The following PCBP3 variants were observed in gnomAD, a reference collection of about 807,000 sequenced individuals.
PCBP3 encodes poly(rC)-binding protein 3.
In PCBP3, 25 loss-of-function variants were observed where a neutral mutation model predicts 52.7. The ratio of observed to expected loss-of-function variants is 0.47; its 90% CI spans 0.35 to 0.66. The LOEUF (loss-of-function observed/expected upper bound fraction) is 0.66. Among genes scored for constraint, PCBP3 ranks in the 30% least tolerant of loss-of-function variants. The pLI is 0.01. For missense variants in PCBP3, 391 were observed against 490.3 expected (o/e 0.80, Z 1.91); for synonymous variants, 162 against 183.0 (o/e 0.89, Z 0.93).
At chr21:45,710,106 G>T (rs2083730067) in intron 2 of PCBP3, among the ~76,000 whole-genome samples, 1 of 152,168 alleles carries the variant, frequency 6.6e-6, no homozygotes, top group Non-Finnish European at 1.5e-5. Context: ...CCTGGCTGAG[G>T]TGTGTTTGTC....
At chr21:45,730,848 C>CT (rs567703488) in intron 2 of PCBP3, among the ~76,000 whole-genome samples, 12 of 151,922 alleles carry the variant, frequency 7.9e-5, no homozygotes, top group African/African-American at 2.4e-4. Context: ...GTCACTCCAC[C>CT]TTTTTTTTAT....
At chr21:45,939,969 C>T (rs976953119) in intron 16 of PCBP3, 61 bp from the exon 17 acceptor site, 160 of 1,515,340 alleles carry the variant, frequency 1.1e-4, no homozygotes, top group Non-Finnish European at 1.3e-4. Context: ...GCGCACTGCC[C>T]ACAGTCTTCA....
In PCBP3 at chr21:45,704,860, G is replaced by C. The variant is rs546150470; in HGVS notation, c.-199-30532G>C. The stretch of plus-strand genomic sequence containing the variant: ...ACAGTGCAGGTAGACGACACAGGGC[G>C]CTGCTGTCTGCTGAATACATGATGG... On this transcript the variant is annotated intron_variant, in intron 2 of 17. Coordinates refer to ENST00000681687, the MANE Select transcript of PCBP3 (RefSeq NM_001384156.1). This position sits in a 1 kb window ranked among gnomAD's most constrained non-coding sequence, Gnocchi z 4.1. Among the ~76,000 whole-genome samples, 1 of 152,324 alleles carries C rather than the reference G, an allele frequency of 6.6e-6. No homozygotes were observed. Among genetic ancestry groups the C allele is most frequent in the East Asian group, 1.9e-4 (1 of 5,180 alleles).
intron 4 of PCBP3, among the ~76,000 whole-genome samples, chr21:45,812,333 C>G (rs888941314): frequency 2.0e-5 from 3 of 152,202 alleles, no homozygotes; most frequent in Non-Finnish European, 4.4e-5. Flanking sequence ...TTTTGACACT[C>G]TGTACTCTTT....
chr21:45,709,126 C>A (rs1337500136), intron 2 of PCBP3, among the ~76,000 whole-genome samples: 1 of 152,216 alleles, frequency 6.6e-6, no homozygotes, highest in Non-Finnish European at 1.5e-5. Context: ...GGAGAGCAGC[C>A]ATGCAGAGGA....
rs755773155 is a variant in PCBP3, at chr21:45,928,158, G to C, written c.718-1759G>C. ...CCTCCTCCTGCCCCCGCAGGGCCTC[G>C]TGTATCTCCGGGAGGTAGACTGTCC... On this transcript the variant is annotated intron_variant, in intron 13 of 17. Transcript: ENST00000681687. This position sits in a 1 kb window ranked among gnomAD's most constrained non-coding sequence, Gnocchi z 4.1. 1.2e-4 allele frequency among the ~76,000 whole-genome samples: 19 copies of C among 152,208 alleles called. No individual in the cohort carries two copies. Among genetic ancestry groups the C allele is most frequent in the Non-Finnish European group, 1.0e-4 (7 of 68,028 alleles).
At chr21:45,779,999 G>A (rs571270360) in intron 4 of PCBP3, among the ~76,000 whole-genome samples, 20 of 152,084 alleles carry the variant, frequency 1.3e-4, no homozygotes, top group Non-Finnish European at 2.8e-4. Context: ...CAACAACAGC[G>A]CCCAGGCAAA....
chr21:45,773,767 CTG>C (rs1221528954), intron 4 of PCBP3, among the ~76,000 whole-genome samples: 1 of 151,576 alleles, frequency 6.6e-6, no homozygotes, highest in Non-Finnish European at 1.5e-5. Context: ...TTTTCTAATT[CTG>C]TGAATGAGGT....
intron 4 of PCBP3, among the ~76,000 whole-genome samples, chr21:45,770,109 C>T (rs553206538): frequency 6.6e-6 from 1 of 152,288 alleles, no homozygotes; most frequent in South Asian, 2.1e-4. Context: ...TAATCGACGG[C>T]GACCCGGCCT....
chr21:45,797,518 A>G (rs2091998071), intron 4 of PCBP3, among the ~76,000 whole-genome samples: 1 of 140,066 alleles, frequency 7.1e-6, no homozygotes, highest in East Asian at 2.1e-4. Context: ...AGATGAGTAC[A>G]TGGATCCGTA....
intron 4 of PCBP3, among the ~76,000 whole-genome samples, chr21:45,815,320 T>G (rs1603442028): frequency 3.3e-5 from 1 of 30,358 alleles, no homozygotes; most frequent in Non-Finnish European, 6.4e-5. Flanking sequence ...TGGTGAGTGG[T>G]GAGTGAGTGA....
At chr21:45,914,708 C>T (rs2096472111) in intron 12 of PCBP3, 1 of 152,452 alleles carries the variant, frequency 6.6e-6, no homozygotes, top group Non-Finnish European at 1.5e-5. Context: ...AGCCCAAACC[C>T]TGGCCAGGGC....
intron 13 of PCBP3, among the ~76,000 whole-genome samples, chr21:45,924,263 A>G (rs2074995436): frequency 6.7e-6 from 1 of 148,778 alleles, no homozygotes; most frequent in Non-Finnish European, 1.5e-5. Flanking sequence ...GAAACAGCAC[A>G]CGTAAGATCG....
intron 9 of PCBP3, among the ~76,000 whole-genome samples, chr21:45,906,473 C>T (rs909842039): frequency 2.0e-5 from 3 of 151,958 alleles, no homozygotes; most frequent in East Asian, 3.9e-4. Context: ...GGACAGGGGC[C>T]GTTTGTCTGT....
In PCBP3 at chr21:45,930,780, C is replaced by T. The variant is rs1252448474; in HGVS notation, c.797-6C>T. On this transcript the variant is annotated splice_region_variant and splice_polypyrimidine_tract_variant and intron_variant, in intron 14 of 17. Coordinates refer to ENST00000681687, the MANE Select transcript of PCBP3 (RefSeq NM_001384156.1). Reference sequence around the variant, plus strand: ...ACATTAAACCTGTCTCTTCTTTGCTCTCCAGGAGAAAAGCTGCCTTTACAC... The same window carrying T: ...ACATTAAACCTGTCTCTTCTTTGCTTTCCAGGAGAAAAGCTGCCTTTACAC... 1.6e-6 allele frequency: 2 copies of T among 1,229,934 alleles called. No homozygotes were observed. The highest frequency in any genetic ancestry group is 1.9e-4 in the Middle Eastern group (1 of 5,322). The allele number at this position is 1,229,934 out of a possible 1,614,324, so 76.2% of individuals were successfully genotyped here. A position where few individuals can be genotyped will look rare whatever the true frequency, so the allele number is the denominator to read the frequency against.
chr21:45,787,689 C>G (rs544466288), intron 4 of PCBP3, among the ~76,000 whole-genome samples: 2 of 152,304 alleles, frequency 1.3e-5, no homozygotes, highest in Non-Finnish European at 2.9e-5. Context: ...TGGGGGACAT[C>G]CCAGGCTAGG....
chr21:45,716,824 A>G (rs1787211459), intron 2 of PCBP3, among the ~76,000 whole-genome samples: 1 of 152,038 alleles, frequency 6.6e-6, no homozygotes, highest in Admixed American at 6.6e-5. Context: ...TTTCTTTTTT[A>G]AGATTGTTTT....
chr21:45,876,137 C>T (rs75094098), intron 5 of PCBP3, among the ~76,000 whole-genome samples: 2,752 of 152,316 alleles, frequency 0.018, 47 homozygotes, highest in Admixed American at 0.057. Flanking sequence ...ACCGATGGAG[C>T]GGTCAGGGGC....
chr21:45,672,235 A>C (rs939122906), intron 2 of PCBP3, among the ~76,000 whole-genome samples: 1 of 152,178 alleles, frequency 6.6e-6, no homozygotes, highest in African/African-American at 2.4e-5. Flanking sequence ...CCCACCAGCA[A>C]GAAGATCCTC....
Sources: allele counts gnomAD v4.1 joint callset (sites outside exome capture counted in the v4.1 genomes callset), GRCh38; gene constraint gnomAD v4.1.1; non-coding constraint Gnocchi (gnomAD v3.1); transcripts MANE v1.5; gene names NCBI Gene and HGNC (gene_info 2026-07-23, HGNC 2026-07-21).